The following WNT5A variants were observed in gnomAD, a reference collection of about 807,000 sequenced individuals.
WNT5A encodes the protein Wnt family member 5A, also known as protein Wnt-5a.
In WNT5A, 9 loss-of-function variants were observed where a neutral mutation model predicts 42.1. That is an observed-to-expected ratio of 0.21 (90% confidence interval 0.13 to 0.37). The LOEUF is 0.37. WNT5A is among the 10% of genes least tolerant of loss of function. The pLI, the probability that WNT5A is intolerant of heterozygous loss-of-function variation, is 1.00. For missense variants in WNT5A, 426 were observed against 534.0 expected (o/e 0.80, Z 1.99); for synonymous variants, 210 against 210.0 (o/e 1.00, Z 0.00).
upstream of WNT5A, among the ~76,000 whole-genome samples, chr3:55,488,760 C>A (rs911813013): frequency 3.3e-5 from 5 of 152,190 alleles, no homozygotes; most frequent in African/African-American, 9.6e-5. Flanking sequence ...GAGGCTGAAC[C>A]CCAACTTCCC....
At chr3:55,480,982 T>G in intron 1 of WNT5A, 64 bp from the exon 2 acceptor site, 1 of 1,354,372 alleles carries the variant, frequency 7.4e-7, no homozygotes, top group East Asian at 2.7e-5. Context: ...CATACAAGTT[T>G]AAACAACGGA....
chr3:55,492,968 G>A (rs565626838), upstream of WNT5A, among the ~76,000 whole-genome samples: 3 of 152,148 alleles, frequency 2.0e-5, no homozygotes, highest in Non-Finnish European at 2.9e-5. Context: ...CATCAGGAAC[G>A]CCTGATTCAA....
intron 1 of WNT5A, among the ~76,000 whole-genome samples, chr3:55,482,282 C>G (rs771119626): frequency 6.6e-6 from 1 of 152,226 alleles, no homozygotes; most frequent in Non-Finnish European, 1.5e-5. Context: ...TGCCGTTCCT[C>G]CCCACTGGTG....
rs200914260 is a variant in WNT5A at position 55,480,911 on chromosome 3, A to G, written c.14T>C (p.Ile5Thr). 317 of 1,554,784 alleles carry G rather than the reference A, an allele frequency of 2.0e-4. 2 individuals carry two copies. In the African/African-American group the frequency reaches 4.0e-3, roughly 20 times the overall value. Residue 5 changes from isoleucine (I) to threonine (T), a missense_variant, in exon 2 of 5, where the codon ATT becomes ACT. Transcript: ENST00000264634. ...AGCAACTCCTGGGCTTAATATTCCAATGGACTTCTGGAGAGGGAAGAAAGG... is the reference window on the plus strand; with the variant it reads ...AGCAACTCCTGGGCTTAATATTCCAGTGGACTTCTGGAGAGGGAAGAAAGG... Reference protein sequence around the residue: MKKSIGILSPGVALG... With the variant: MKKSTGILSPGVALG...
chr3:55,474,409 G>A lies in WNT5A; in HGVS notation c.612C>T (p.Arg204=), dbSNP rs2051310125. 6.2e-7 allele frequency: 1 copy of A among 1,612,352 alleles called. No homozygotes were observed. Among genetic ancestry groups the A allele is most frequent in the Non-Finnish European group, 8.5e-7 (1 of 1,179,720 alleles). ...KEFVDARERE[R]IHAKGSYESA... ...TCTCGTAGGAGCCCTTGGCGTGGAT[G>A]CGCTCCCGCTCGCGGGCGTCCACGA... The change falls in exon 4 of 5, where the codon CGC becomes CGT. Residue 204 remains arginine (R), a synonymous_variant. Coordinates refer to ENST00000264634, the MANE Select transcript of WNT5A (RefSeq NM_003392.7).
At chr3:55,501,936 T>TG in the WNT5A span, among the ~76,000 whole-genome samples, 248 of 152,300 alleles carry the variant, frequency 1.6e-3, 1 homozygote, top group African/African-American at 5.8e-3. Flanking sequence ...TTGACTGGTT[T>TG]GGGGCAAGGT....
At chr3:55,474,671 C>G in intron 3 of WNT5A, 42 bp from the exon 4 acceptor site, 2 of 894,422 alleles carry the variant, frequency 2.2e-6, no homozygotes, top group South Asian at 2.8e-5. Flanking sequence ...CTGCCTCACG[C>G]GCTGGGCCGG....
chr3:55,497,289 C>T, the WNT5A span: 1 of 152,364 alleles, frequency 6.6e-6, no homozygotes, highest in Non-Finnish European at 1.5e-5. Flanking sequence ...GGCTAAAGGG[C>T]TGAAAGCCCA....
In WNT5A at chr3:55,487,137, A is replaced by C. The variant is rs914680413; in HGVS notation, c.-152T>G. On this transcript the variant is annotated 5_prime_UTR_variant, in exon 1 of 5. Transcript: ENST00000264634. The stretch of plus-strand genomic sequence containing the variant: ...GCGTCCGGCGGGCGCAGTGAACCGG[A>C]GCTGAAGCGGGCACTGGCGCCCGGG... 2.6e-5 allele frequency: 17 copies of C among 659,660 alleles called. No individual in the cohort carries two copies. The South Asian group carries it at 3.1e-4, about 12-fold the overall frequency. 40.9% of individuals were successfully genotyped at this position (659,660 alleles called of 1,614,324 possible).
At position 55,487,233 on chromosome 3, in the gene WNT5A, G is replaced by T; in HGVS notation, c.-248C>A. On this transcript the variant is annotated 5_prime_UTR_variant, in exon 1 of 5. Coordinates refer to ENST00000264634, the MANE Select transcript of WNT5A (RefSeq NM_003392.7). Reference sequence around the variant, plus strand: ...GAGGGGGCGCGGACGCGCGCGAGCCGGCAGCAAGGGCAGGGCCTGGTCGGG... The same window carrying T: ...GAGGGGGCGCGGACGCGCGCGAGCCTGCAGCAAGGGCAGGGCCTGGTCGGG... 2.0e-6 allele frequency: 1 copy of T among 498,466 alleles called. No individual in the cohort carries two copies. The highest frequency in any genetic ancestry group is 3.5e-6 in the Non-Finnish European group (1 of 286,666). 30.9% of individuals were successfully genotyped at this position (498,466 alleles called of 1,614,324 possible). A position where few individuals can be genotyped will look rare whatever the true frequency, so the allele number is the denominator to read the frequency against.
Position 55,479,301 on chromosome 3 carries a change from A to G in WNT5A, c.391+13T>C. ...GTTAATGTTTTAAAAAAATATTTTA[A>G]ATGTTTTCCTACCTATCTGCATCAC... On this transcript the variant is annotated intron_variant, in intron 3 of 4. Coordinates refer to ENST00000264634, the MANE Select transcript of WNT5A (RefSeq NM_003392.7). 1 of 1,487,002 alleles carries G rather than the reference A, an allele frequency of 6.7e-7. No homozygotes were observed. Among genetic ancestry groups the G allele is most frequent in the Non-Finnish European group, 9.0e-7 (1 of 1,115,200 alleles). The allele number at this position is 1,487,002 out of a possible 1,614,324, so 92.1% of individuals were successfully genotyped here. A position where few individuals can be genotyped will look rare whatever the true frequency, so the allele number is the denominator to read the frequency against.
chr3:55,505,135 T>C, the WNT5A span: 1 of 152,152 alleles, frequency 6.6e-6, no homozygotes, highest in Non-Finnish European at 1.5e-5. Flanking sequence ...GGGTAATTTA[T>C]AAAGGAAAGA....
intron 3 of WNT5A, among the ~76,000 whole-genome samples, chr3:55,475,533 C>A (rs945130291): frequency 6.6e-6 from 1 of 152,190 alleles, no homozygotes; most frequent in African/African-American, 2.4e-5. Flanking sequence ...ATTCTTAAAT[C>A]CCAGGCTCAT....
At chr3:55,495,976 C>G in the WNT5A span, among the ~76,000 whole-genome samples, 1 of 152,166 alleles carries the variant, frequency 6.6e-6, no homozygotes, top group Admixed American at 6.5e-5. Context: ...AGGAAGCTGA[C>G]TGCATTTTTT....
At chr3:55,494,754 G>A (rs1575412591), upstream of WNT5A, among the ~76,000 whole-genome samples, 1 of 152,136 alleles carries the variant, frequency 6.6e-6, no homozygotes, top group Admixed American at 6.5e-5. Context: ...GGCCAGGCTG[G>A]TCTTGAACTC....
upstream of WNT5A, among the ~76,000 whole-genome samples, chr3:55,491,824 C>A (rs2051662576): frequency 6.6e-6 from 1 of 152,250 alleles, no homozygotes; most frequent in Non-Finnish European, 1.5e-5. Context: ...ATGTTTACTC[C>A]TTCACCTCAG....
At chr3:55,486,715 A>G (rs2051585079) in intron 1 of WNT5A, among the ~76,000 whole-genome samples, 1 of 152,204 alleles carries the variant, frequency 6.6e-6, no homozygotes, top group South Asian at 2.1e-4. Context: ...TTTGTCTACT[A>G]TCGCTCTTCC....
intron 1 of WNT5A, among the ~76,000 whole-genome samples, chr3:55,485,641 C>T (rs1440347210): frequency 7.2e-6 from 1 of 138,634 alleles, no homozygotes; most frequent in Non-Finnish European, 1.5e-5. Flanking sequence ...CTGGCTGGTT[C>T]GGCAGTGAAT....
intron 3 of WNT5A, among the ~76,000 whole-genome samples, chr3:55,477,367 C>G (rs1049381601): frequency 3.9e-5 from 6 of 152,158 alleles, no homozygotes; most frequent in Admixed American, 3.9e-4. Context: ...CCACCACAAG[C>G]CACCCAGCAG....
Sources: gnomAD v4.1 joint callset for allele counts (sites outside exome capture counted in the v4.1 genomes callset) on GRCh38, gnomAD v4.1.1 for gene constraint, MANE v1.5 for transcripts, NCBI Gene and HGNC (gene_info 2026-07-23, HGNC 2026-07-21) for gene names.